SNRK: variants seen among roughly 807,000 people sequenced by gnomAD.
The protein encoded by SNRK is SNF related kinase.
SNRK carries 3 observed loss-of-function variants against 48.2 expected under a neutral mutation model. That is an observed-to-expected ratio of 0.06 (90% CI 0.03 to 0.16). The LOEUF (loss-of-function observed/expected upper bound fraction) is 0.16. Ranked by LOEUF, SNRK falls within the 10% of genes least tolerant of loss-of-function variation. The pLI is 1.00. For missense variants in SNRK, 627 were observed against 976.0 expected (o/e 0.64, Z 4.76); for synonymous variants, 376 against 366.1 (o/e 1.03, Z -0.31).
At chr3:43,294,887 A>G (rs1559458169) in intron 1 of SNRK, among the ~76,000 whole-genome samples, 1 of 152,212 alleles carries the variant, frequency 6.6e-6, no homozygotes, top group African/African-American at 2.4e-5. Flanking sequence ...AAAATTCTCC[A>G]TAACTTAATA....
intron 3 of SNRK, among the ~76,000 whole-genome samples, chr3:43,319,353 T>C (rs941208174): frequency 1.3e-5 from 2 of 152,190 alleles, no homozygotes; most frequent in Non-Finnish European, 2.9e-5. Flanking sequence ...TTTGTAATAC[T>C]GTATCTGGTA....
chr3:43,293,520 C>CAGAAAAGCATAAAG (rs2090829374), intron 1 of SNRK, among the ~76,000 whole-genome samples: 1 of 152,024 alleles, frequency 6.6e-6, no homozygotes. Flanking sequence ...TTTAAAAGAA[C>CAGAAAAGCATAAAG]AGAAAAGCAT....
At chr3:43,311,756 G>A (rs2125625915) in intron 3 of SNRK, among the ~76,000 whole-genome samples, 1 of 152,218 alleles carries the variant, frequency 6.6e-6, no homozygotes, top group East Asian at 1.9e-4. Context: ...TGCTGAAACC[G>A]ATGGATGTCT....
chr3:43,327,957 G>T (rs201978707), intron 3 of SNRK, among the ~76,000 whole-genome samples: 5 of 147,088 alleles, frequency 3.4e-5, no homozygotes, highest in South Asian at 4.3e-4. Flanking sequence ...CATGAGTTGG[G>T]TTTTTTTTTT....
At chr3:43,331,702 A>T (rs904665049) in intron 3 of SNRK, among the ~76,000 whole-genome samples, 1 of 152,226 alleles carries the variant, frequency 6.6e-6, no homozygotes, top group South Asian at 2.1e-4. Context: ...TCTTGCGTAT[A>T]AAATGACATG....
intron 3 of SNRK, among the ~76,000 whole-genome samples, chr3:43,310,873 G>A (rs1339925306): frequency 6.6e-6 from 1 of 151,968 alleles, no homozygotes; most frequent in Non-Finnish European, 1.5e-5. Context: ...GTTTTCTTGG[G>A]TGCTGCTGCT....
chr3:43,319,368 G>A (rs980144582), intron 3 of SNRK, among the ~76,000 whole-genome samples: 9 of 151,890 alleles, frequency 5.9e-5, no homozygotes, highest in Admixed American at 2.0e-4. Flanking sequence ...CTGGTAAGTC[G>A]GAAAACAAGA....
At chr3:43,311,162 C>T (rs1481570745) in intron 3 of SNRK, among the ~76,000 whole-genome samples, 4 of 152,138 alleles carry the variant, frequency 2.6e-5, no homozygotes, top group Non-Finnish European at 5.9e-5. Flanking sequence ...GAGGAACATC[C>T]TCAACTTGAT....
chr3:43,344,883 G>C (rs971389949), intron 6 of SNRK, among the ~76,000 whole-genome samples: 5 of 151,934 alleles, frequency 3.3e-5, no homozygotes, highest in African/African-American at 1.2e-4. Context: ...CAGGCTTCTG[G>C]AAGAGAATAT....
At chr3:43,297,474 T>A (rs1031015758) in intron 1 of SNRK, among the ~76,000 whole-genome samples, 2 of 152,174 alleles carry the variant, frequency 1.3e-5, no homozygotes, top group Non-Finnish European at 2.9e-5. Context: ...TTTTATTTTT[T>A]AAAATTGTGT....
At chr3:43,336,521 C>T (rs990778719) in intron 4 of SNRK, among the ~76,000 whole-genome samples, 8 of 151,924 alleles carry the variant, frequency 5.3e-5, no homozygotes, top group Non-Finnish European at 1.0e-4. Flanking sequence ...TTGTAGAGAC[C>T]GGGTCTCACT....
chr3:43,347,106 G>T lies in SNRK; in HGVS notation c.1080-233G>T, dbSNP rs965410196. ...TGCCCTATTTTCTTTTCTGACACCT[G>T]TGATGAAGTTTTCACTTGGCCAATA... On this transcript the variant is annotated intron_variant, in intron 6 of 6. Coordinates refer to ENST00000296088, the MANE Select transcript of SNRK (RefSeq NM_017719.5). This position sits in a 1 kb window ranked among gnomAD's most constrained non-coding sequence, Gnocchi z 5.4. 2.3e-6 allele frequency: 1 copy of T among 441,006 alleles called. No homozygotes were observed. Among genetic ancestry groups the T allele is most frequent in the East Asian group, 3.4e-5 (1 of 29,574 alleles). The allele number at this position is 441,006 out of a possible 1,614,324, so 27.3% of individuals were successfully genotyped here. A position where few individuals can be genotyped will look rare whatever the true frequency, so the allele number is the denominator to read the frequency against.
chr3:43,318,742 C>T (rs191169169), intron 3 of SNRK, among the ~76,000 whole-genome samples: 15 of 152,146 alleles, frequency 9.9e-5, no homozygotes, highest in Non-Finnish European at 2.1e-4. Context: ...ACTAAAGAAT[C>T]GAGTCCGGCG....
chr3:43,329,432 C>T (rs947684922), intron 3 of SNRK, among the ~76,000 whole-genome samples: 2 of 150,734 alleles, frequency 1.3e-5, no homozygotes, highest in African/African-American at 2.4e-5. Flanking sequence ...AGCGAGACTC[C>T]GTCTCAAAAA....
chr3:43,300,424 C>T (rs911340300), intron 2 of SNRK, among the ~76,000 whole-genome samples: 2 of 151,956 alleles, frequency 1.3e-5, no homozygotes, highest in African/African-American at 4.8e-5. Flanking sequence ...AGGAACACAT[C>T]TAAACTAAAA....
chr3:43,289,278 CAG>C (rs1320612057), intron 1 of SNRK, among the ~76,000 whole-genome samples: 3 of 152,054 alleles, frequency 2.0e-5, no homozygotes, highest in Admixed American at 2.0e-4. Flanking sequence ...GGAAAAGGCT[CAG>C]GGGGTTCAGG....
At chr3:43,324,006 T>C (rs2091074957) in intron 3 of SNRK, among the ~76,000 whole-genome samples, 1 of 152,206 alleles carries the variant, frequency 6.6e-6, no homozygotes, top group Non-Finnish European at 1.5e-5. Context: ...GTGGTAGTTA[T>C]GTGACTGCAT....
chr3:43,289,118 G>A (rs547628022), intron 1 of SNRK, among the ~76,000 whole-genome samples: 10 of 152,276 alleles, frequency 6.6e-5, no homozygotes, highest in African/African-American at 2.4e-4. Flanking sequence ...GTAACAGTAC[G>A]AACAGATGAA....
Position 43,303,671 on chromosome 3 carries a change from G to T in SNRK, c.468G>T (p.Leu156Phe). Residue 156 changes from leucine to phenylalanine, a missense_variant, in exon 3 of 7, where the codon TTG becomes TTT. Coordinates refer to ENST00000296088, the MANE Select transcript of SNRK (RefSeq NM_017719.5). The surrounding 1 kb of genome is among the most constrained non-coding windows in gnomAD (Gnocchi z 6.2). ...VFFEKQGLVKLTDFGFSNKFQ... is the reference protein window; with the variant it reads ...VFFEKQGLVKFTDFGFSNKFQ... ...TTGAAAAACAAGGTCTTGTAAAGTT[G>T]ACAGACTTTGGGTTCAGCAACAAAT... The T allele has an allele frequency of 6.2e-7, 1 of 1,614,052 alleles. No homozygotes were observed. Among genetic ancestry groups the T allele is most frequent in the South Asian group, 1.1e-5 (1 of 91,062 alleles).
Sources: allele counts gnomAD v4.1 joint callset (sites outside exome capture counted in the v4.1 genomes callset), GRCh38; gene constraint gnomAD v4.1.1; non-coding constraint Gnocchi (gnomAD v3.1); transcripts MANE v1.5; gene names NCBI Gene and HGNC (gene_info 2026-07-23, HGNC 2026-07-21).